CEP85L: variants seen among roughly 807,000 people sequenced by gnomAD.
The protein encoded by CEP85L is centrosomal protein of 85 kDa-like.
A neutral mutation model predicts 100.3 loss-of-function variants in CEP85L; 60 were observed. The observed-to-expected ratio is 0.60, with a 90% confidence interval of 0.49 to 0.74. The LOEUF is 0.74. Among genes scored for constraint, CEP85L ranks in the 30% least tolerant of loss-of-function variants. The pLI is 0.00. For synonymous variants in CEP85L, 319 were observed against 322.7 expected (o/e 0.99, Z 0.12); for missense variants, 973 against 936.2 (o/e 1.04, Z -0.51).
rs542069518 is a variant in CEP85L, at chr6:118,537,108, G to A, written c.1021-13188C>T. On this transcript the variant is annotated intron_variant, in intron 3 of 12. Transcript: ENST00000368491. ...ATCATAAAATTACTGTTGCTATGCT[G>A]TTCTACTTAGAATTTCAAAGTAATC... Among the ~76,000 whole-genome samples, 7 of 152,190 alleles carry A rather than the reference G, an allele frequency of 4.6e-5. No homozygotes were observed. The South Asian group carries it at 1.0e-3, about 23-fold the overall frequency.
chr6:118,583,932 G>C (rs1342648394), intron 2 of CEP85L, among the ~76,000 whole-genome samples: 1 of 152,182 alleles, frequency 6.6e-6, no homozygotes, highest in Non-Finnish European at 1.5e-5. Context: ...TACAGTCCTA[G>C]ATTTAAAGGA....
Position 118,554,513 on chromosome 6 carries a change from A to G in CEP85L, c.1020+11016T>C, listed in dbSNP as rs1212021622. On this transcript the variant is annotated intron_variant, in intron 3 of 12. Coordinates refer to ENST00000368491, the MANE Select transcript of CEP85L (RefSeq NM_001042475.3). ...TCATAAAAATCCCTTATTTAACTTTAGTGATTTATTGAAGCATACCAATTA... is the reference window on the plus strand; with the variant it reads ...TCATAAAAATCCCTTATTTAACTTTGGTGATTTATTGAAGCATACCAATTA... Among the ~76,000 whole-genome samples the G allele has an allele frequency of 2.6e-5, 4 of 152,274 alleles. No homozygotes were observed. The East Asian group carries it at 7.7e-4, about 29-fold the overall frequency.
chr6:118,553,204 T>A (rs1161686096), intron 3 of CEP85L, among the ~76,000 whole-genome samples: 1 of 123,398 alleles, frequency 8.1e-6, no homozygotes, highest in Non-Finnish European at 1.7e-5. Context: ...ACAGCTTAGC[T>A]GTTAAGAAAT....
chr6:118,517,633 T>C (rs1321951255), intron 4 of CEP85L, among the ~76,000 whole-genome samples: 1 of 152,248 alleles, frequency 6.6e-6, no homozygotes, highest in Admixed American at 6.5e-5. Context: ...CAAGGAGATT[T>C]TGGGCTGAGA....
At chr6:118,624,925 G>C (rs980374653) in intron 2 of CEP85L, among the ~76,000 whole-genome samples, 1 of 152,194 alleles carries the variant, frequency 6.6e-6, no homozygotes, top group African/African-American at 2.4e-5. Flanking sequence ...CCCATCTCTA[G>C]AGTCTATTTA....
At chr6:118,558,660 C>CACACACACACAGAG (rs1318088942) in intron 3 of CEP85L, among the ~76,000 whole-genome samples, 1 of 122,216 alleles carries the variant, frequency 8.2e-6, no homozygotes, top group Non-Finnish European at 1.7e-5. Context: ...CACACACACA[C>CACACACACACAGAG]AGAGAGAGAG....
At chr6:118,563,160 ATC>A (rs1338074477) in intron 3 of CEP85L, among the ~76,000 whole-genome samples, 4 of 152,306 alleles carry the variant, frequency 2.6e-5, no homozygotes, top group Admixed American at 2.6e-4. Flanking sequence ...GTCATAAACC[ATC>A]TGAGGGCATA....
At chr6:118,577,908 T>C (rs913302164) in intron 2 of CEP85L, among the ~76,000 whole-genome samples, 11 of 152,196 alleles carry the variant, frequency 7.2e-5, no homozygotes, top group Non-Finnish European at 1.6e-4. Context: ...ATACCTTGTA[T>C]TCGTGGATTA....
rs528448404 is a variant in CEP85L, at chr6:118,598,804, G to A, written c.233-32488C>T. ...GCAGCCCTAGGAAACTAATACAGGG[G>A]AGTAGAGGTTAACAGTTCTGAACCT... On this transcript the variant is annotated intron_variant, in intron 2 of 12. Coordinates refer to ENST00000368491, the MANE Select transcript of CEP85L (RefSeq NM_001042475.3). Among the ~76,000 whole-genome samples, 7 of 152,312 alleles carry A rather than the reference G, an allele frequency of 4.6e-5. No individual in the cohort carries two copies. The South Asian group carries it at 1.5e-3, about 32-fold the overall frequency.
chr6:118,518,766 C>G (rs938108469), intron 4 of CEP85L, among the ~76,000 whole-genome samples: 1 of 152,180 alleles, frequency 6.6e-6, no homozygotes, highest in Non-Finnish European at 1.5e-5. Flanking sequence ...TTCTTGTCTT[C>G]TGCTAGCTTT....
intron 2 of CEP85L, among the ~76,000 whole-genome samples, chr6:118,604,108 T>A (rs1342193854): frequency 6.6e-6 from 1 of 152,252 alleles, no homozygotes; most frequent in African/African-American, 2.4e-5. Context: ...GCTTCCTGTA[T>A]GACTTTTACA....
At chr6:118,544,576 T>C (rs137883210) in intron 3 of CEP85L, among the ~76,000 whole-genome samples, 221 of 152,362 alleles carry the variant, frequency 1.5e-3, no homozygotes, top group African/African-American at 5.2e-3. Flanking sequence ...AAAATTTATG[T>C]AGACCTATAT....
At chr6:118,604,548 T>C (rs1772046993) in intron 2 of CEP85L, among the ~76,000 whole-genome samples, 2 of 152,250 alleles carry the variant, frequency 1.3e-5, no homozygotes, top group Admixed American at 6.5e-5. Context: ...TATAGAACTG[T>C]TTCTTCAATA....
At chr6:118,469,454 T>TG in intron 11 of CEP85L, 151 bp from the exon 12 acceptor site, 1 of 601,016 alleles carries the variant, frequency 1.7e-6, no homozygotes, top group South Asian at 2.1e-5. Context: ...ATATATGCAG[T>TG]GGGAAAAAAA....
At chr6:118,573,944 T>G (rs1270039418) in intron 2 of CEP85L, 1 of 152,236 alleles carries the variant, frequency 6.6e-6, no homozygotes, top group Non-Finnish European at 1.5e-5. Flanking sequence ...CACTGTCTCT[T>G]AGCAACCATT....
chr6:118,511,272 A>T (rs752874753), intron 5 of CEP85L, 26 bp downstream of exon 5: 1 of 1,414,294 alleles, frequency 7.1e-7, no homozygotes, highest in South Asian at 1.2e-5. Context: ...CTACTAAAAC[A>T]GCTACAAAAT....
rs184281545 is a variant in CEP85L, at chr6:118,670,259, C to T, written c.-27-17451G>A. Among the ~76,000 whole-genome samples, 19 of 148,928 alleles carry T rather than the reference C, an allele frequency of 1.3e-4. No individual in the cohort carries two copies. The East Asian group carries it at 2.6e-3, about 20-fold the overall frequency. ...AACTTTTATTTTAGGTTCAGGGGTA[C>T]GAGTGCAGGTTTGTTATATAGATAA... On this transcript the variant is annotated intron_variant, in intron 1 of 13. Coordinates refer to the CEP85L transcript ENST00000368488.
At chr6:118,666,109 A>G (rs747003642) in intron 1 of CEP85L, among the ~76,000 whole-genome samples, 1 of 152,156 alleles carries the variant, frequency 6.6e-6, no homozygotes, top group African/African-American at 2.4e-5. Flanking sequence ...TGTATCCCCA[A>G]ATAGAGCCCC....
intron 2 of CEP85L, among the ~76,000 whole-genome samples, chr6:118,580,049 T>G (rs1482466362): frequency 6.6e-6 from 1 of 152,160 alleles, no homozygotes; most frequent in Non-Finnish European, 1.5e-5. Context: ...ATGAATGACA[T>G]ACCTGGTCAA....
Sources: allele counts gnomAD v4.1 joint callset (sites outside exome capture counted in the v4.1 genomes callset), GRCh38; gene constraint gnomAD v4.1.1; transcripts MANE v1.5; gene names NCBI Gene and HGNC (gene_info 2026-07-23, HGNC 2026-07-21).